The following SET variants were observed in gnomAD, a reference collection of about 807,000 sequenced individuals.
SET encodes the protein protein SET.
SET carries 4 observed loss-of-function variants against 39.0 expected under a neutral mutation model. The ratio of observed to expected loss-of-function variants is 0.10; its 90% CI spans 0.05 to 0.23. SET has a LOEUF of 0.23. SET is among the 10% of genes least tolerant of loss of function. SET has a pLI of 1.00. For missense variants in SET, 137 were observed against 329.7 expected (o/e 0.42, Z 4.53); for synonymous variants, 114 against 115.9 (o/e 0.98, Z 0.11).
chr9:128,691,141 G>A (rs1861520788), intron 1 of SET, 29 bp from the exon 2 acceptor site: 2 of 1,560,934 alleles, frequency 1.3e-6, no homozygotes, highest in Non-Finnish European at 1.8e-6. Flanking sequence ...ATTTATCTTA[G>A]AATTAAGTTT....
intron 7 of SET, 52 bp downstream of exon 7, chr9:128,694,094 T>C: frequency 7.3e-7 from 1 of 1,373,320 alleles, no homozygotes; most frequent in Non-Finnish European, 9.6e-7. Context: ...AGAATTCATG[T>C]TATTTTGGGG....
upstream of SET, among the ~76,000 whole-genome samples, chr9:128,684,792 G>C (rs936736240): frequency 6.6e-6 from 1 of 152,098 alleles, no homozygotes; most frequent in African/African-American, 2.4e-5. Flanking sequence ...GGCAATCTGT[G>C]AGCCCCAACA....
chr9:128,693,503 G>C lies in SET; in HGVS notation c.493-135G>C, dbSNP rs117870739. The C allele has an allele frequency of 6.1e-3, 5,595 of 918,166 alleles. 120 individuals carry two copies. Among genetic ancestry groups the C allele is most frequent in the East Asian group, 0.058 (2,170 of 37,390 alleles). 56.9% of individuals were successfully genotyped at this position (918,166 alleles called of 1,614,324 possible). On this transcript the variant is annotated intron_variant, in intron 5 of 7. Coordinates refer to ENST00000322030, the MANE Select transcript of SET (RefSeq NM_003011.4). ...CTGCACAGTTTTATAATTGCTCTTA[G>C]GTAATAATGGTAGCGTAGATAGTAT... is the stretch of plus-strand genomic sequence containing the variant.
Position 128,689,395 on chromosome 9 carries a change from CGGCGTCA to C in SET, c.-184_-178del. On this transcript the variant is annotated 5_prime_UTR_variant, in exon 1 of 8. Transcript: ENST00000322030. ...CGGCACGCCGCCCCAGCCCGTCCCT[CGGCGTCA>C]GGCCGCGAGGGTAGCGCGCGCGAGC... 1 of 893,894 alleles carries C rather than the reference CGGCGTCA, an allele frequency of 1.1e-6. No homozygotes were observed. Among genetic ancestry groups the C allele is most frequent in the Non-Finnish European group, 1.4e-6 (1 of 725,194 alleles). 55.4% of individuals were successfully genotyped at this position (893,894 alleles called of 1,614,324 possible).
chr9:128,689,581 C>G lies in SET; in HGVS notation c.-2C>G, dbSNP rs760784491. 7.3e-7 allele frequency: 1 copy of G among 1,369,906 alleles called. No individual in the cohort carries two copies. The highest frequency in any genetic ancestry group is 9.6e-7 in the Non-Finnish European group (1 of 1,042,760). 84.9% of individuals were successfully genotyped at this position (1,369,906 alleles called of 1,614,324 possible). On this transcript the variant is annotated 5_prime_UTR_variant, in exon 1 of 8. Coordinates refer to ENST00000322030, the MANE Select transcript of SET (RefSeq NM_003011.4). ...CTCCCCCCCCGACCGCGGAGCAGCA[C>G]CATGTCGGCGCCGGCGGCCAAAGTC...
At chr9:128,694,544 G>GTTT in intron 7 of SET, 97 bp from the exon 8 acceptor site, 1 of 720,066 alleles carries the variant, frequency 1.4e-6, no homozygotes, top group Non-Finnish European at 2.3e-6. Context: ...TTAGAAACTG[G>GTTT]AGTGCCCCCA....
At chr9:128,688,745 G>A (rs1861374805), upstream of SET, among the ~76,000 whole-genome samples, 1 of 152,172 alleles carries the variant, frequency 6.6e-6, no homozygotes, top group Non-Finnish European at 1.5e-5. Flanking sequence ...GTTTGAGTCC[G>A]ATCGGCAGTT....
rs1385720756 is a variant in SET at position 128,695,644 on chromosome 9, G to A, written c.*980G>A. ...ACCCTAACTTCGTATTTTTTGATAC[G>A]CACTTTGCAGGATGACCTCAGGGCT... On this transcript the variant is annotated 3_prime_UTR_variant, in exon 8 of 8. Coordinates refer to ENST00000322030, the MANE Select transcript of SET (RefSeq NM_003011.4). The A allele has an allele frequency of 1.8e-5, 4 of 224,244 alleles. No homozygotes were observed. The highest frequency in any genetic ancestry group is 1.8e-4 in the South Asian group (1 of 5,430). The allele number at this position is 224,244 out of a possible 1,614,324, so 13.9% of individuals were successfully genotyped here.
At chr9:128,684,515 C>T (rs1861223663), upstream of SET, among the ~76,000 whole-genome samples, 1 of 152,060 alleles carries the variant, frequency 6.6e-6, no homozygotes. Flanking sequence ...ATCACGTGGC[C>T]CACTCCCCGG....
exon 1 of SET, chr9:128,683,985 T>C (rs761107553): frequency 1.2e-5 from 19 of 1,555,040 alleles, no homozygotes; most frequent in Non-Finnish European, 1.6e-5. Flanking sequence ...CATCGGCCTC[T>C]GCAGGCTTGC....
Position 128,689,598 on chromosome 9 carries a change from G to A in SET, c.16G>A (p.Ala6Thr), listed in dbSNP as rs1256883299. ...GAGCAGCACCATGTCGGCGCCGGCG[G>A]CCAAAGTCAGTAAAAAGGAGCTCAA... MSAPAAKVSKKELNSN... is the reference protein window; with the variant it reads MSAPATKVSKKELNSN... Residue 6 changes from alanine to threonine, a missense_variant, in exon 1 of 8, where the codon GCC becomes ACC. Physicochemically the swap from Ala to Thr is moderately conservative, Grantham distance 58. Coordinates refer to ENST00000322030, the MANE Select transcript of SET (RefSeq NM_003011.4). The A allele has an allele frequency of 5.8e-6, 8 of 1,382,860 alleles. No homozygotes were observed. The highest frequency in any genetic ancestry group is 7.6e-6 in the Non-Finnish European group (8 of 1,050,254). 85.7% of individuals were successfully genotyped at this position (1,382,860 alleles called of 1,614,324 possible).
chr9:128,693,077 T>A, intron 5 of SET, 96 bp downstream of exon 5: 1 of 793,116 alleles, frequency 1.3e-6, no homozygotes. Context: ...GTCATGTGGC[T>A]AAATACAAAA....
chr9:128,692,578 C>A, intron 3 of SET, 84 bp from the exon 4 acceptor site: 2 of 916,440 alleles, frequency 2.2e-6, no homozygotes, highest in South Asian at 2.8e-5. Flanking sequence ...TCACTAAGTT[C>A]GGAAAAATTT....
chr9:128,695,392 T>C lies in SET; in HGVS notation c.*728T>C, dbSNP rs1451993229. The C allele has an allele frequency of 4.5e-6, 1 of 224,138 alleles. No homozygotes were observed. Among genetic ancestry groups the C allele is most frequent in the Non-Finnish European group, 9.2e-6 (1 of 108,850 alleles). The allele number at this position is 224,138 out of a possible 1,614,324, so 13.9% of individuals were successfully genotyped here. A position where few individuals can be genotyped will look rare whatever the true frequency, so the allele number is the denominator to read the frequency against. On this transcript the variant is annotated 3_prime_UTR_variant, in exon 8 of 8. Coordinates refer to ENST00000322030, the MANE Select transcript of SET (RefSeq NM_003011.4). ...AGAACCTGTAGGATCTTATTTGGAA[T>C]TGACATTCTCTATTGTAATTTTGTT...
rs755746275 is a variant in SET at position 128,689,657 on chromosome 9, T to A, written c.73+2T>A. 8.6e-7 allele frequency: 1 copy of A among 1,166,444 alleles called. No homozygotes were observed. The highest frequency in any genetic ancestry group is 1.1e-6 in the Non-Finnish European group (1 of 898,814). 72.3% of individuals were successfully genotyped at this position (1,166,444 alleles called of 1,614,324 possible). A position where few individuals can be genotyped will look rare whatever the true frequency, so the allele number is the denominator to read the frequency against. On this transcript the variant is annotated splice_donor_variant, in intron 1 of 7. Coordinates refer to ENST00000322030, the MANE Select transcript of SET (RefSeq NM_003011.4). LOFTEE classifies it high-confidence loss of function. ...ACGACGGGGCCGACGAGACCTCAGGTGAGAGCAGCGAGCCCGGGGGCCGGC... is the reference window on the plus strand; with the variant it reads ...ACGACGGGGCCGACGAGACCTCAGGAGAGAGCAGCGAGCCCGGGGGCCGGC...
Position 128,695,670 on chromosome 9 carries a change from A to T in SET, c.*1006A>T, listed in dbSNP as rs1168447896. ...CACTTTGCAGGATGACCTCAGGGCTATGTGGATTGAGTAATGGGATTTGAA... is the reference window on the plus strand; with the variant it reads ...CACTTTGCAGGATGACCTCAGGGCTTTGTGGATTGAGTAATGGGATTTGAA... On this transcript the variant is annotated 3_prime_UTR_variant, in exon 8 of 8. Coordinates refer to ENST00000322030, the MANE Select transcript of SET (RefSeq NM_003011.4). The T allele has an allele frequency of 4.4e-6, 1 of 225,428 alleles. No individual in the cohort carries two copies. The highest frequency in any genetic ancestry group is 8.9e-6 in the Non-Finnish European group (1 of 112,182). 14.0% of individuals were successfully genotyped at this position (225,428 alleles called of 1,614,324 possible).
At position 128,692,070 on chromosome 9, in the gene SET, C is replaced by T. The variant is rs191814733; in HGVS notation, c.274+70C>T. ...TAGAATGGAGGAAGCTTGGTGAAGACTTAGTCCAGCATGCTGGGTTGCGTG... is the reference window on the plus strand; with the variant it reads ...TAGAATGGAGGAAGCTTGGTGAAGATTTAGTCCAGCATGCTGGGTTGCGTG... On this transcript the variant is annotated intron_variant, in intron 3 of 7. Transcript: ENST00000322030. 11,379 of 1,562,712 alleles carry T rather than the reference C, an allele frequency of 7.3e-3. 116 individuals carry two copies. Among genetic ancestry groups the T allele is most frequent in the South Asian group, 0.031 (2,674 of 86,970 alleles).
At chr9:128,692,079 G>T in intron 3 of SET, 79 bp downstream of exon 3, 1 of 1,537,302 alleles carries the variant, frequency 6.5e-7, no homozygotes, top group Middle Eastern at 1.7e-4. Flanking sequence ...ACTTAGTCCA[G>T]CATGCTGGGT....
upstream of SET, chr9:128,689,200 C>CGCGCCT (rs1275457391): frequency 7.9e-5 from 76 of 958,000 alleles, no homozygotes; most frequent in Non-Finnish European, 9.0e-5. Flanking sequence ...CGGGGCCTGG[C>CGCGCCT]GCGCCTGCGC....
Sources: allele counts gnomAD v4.1 joint callset (sites outside exome capture counted in the v4.1 genomes callset), GRCh38; gene constraint gnomAD v4.1.1; transcripts MANE v1.5; gene names NCBI Gene and HGNC (gene_info 2026-07-23, HGNC 2026-07-21).